Variants in EML6 observed in about 807,000 individuals in gnomAD.
EML6 encodes EMAP like 6.
A neutral mutation model predicts 240.1 loss-of-function variants in EML6; 154 were observed. The ratio of observed to expected loss-of-function variants is 0.64; its 90% CI spans 0.56 to 0.73. The LOEUF (loss-of-function observed/expected upper bound fraction) is 0.73. Among genes scored for constraint, EML6 ranks in the 30% least tolerant of loss-of-function variants. The pLI is 0.00. For synonymous variants in EML6, 1,148 were observed against 899.0 expected (o/e 1.28, Z -4.95); for missense variants, 2,964 against 2,474.6 (o/e 1.20, Z -4.20).
intron 2 of EML6, among the ~76,000 whole-genome samples, chr2:54,804,062 T>C (rs1248915359): frequency 6.6e-6 from 1 of 152,208 alleles, no homozygotes; most frequent in Non-Finnish European, 1.5e-5. Context: ...TAGTATAAAC[T>C]AGCAAATTAA....
At chr2:54,897,605 GA>G (rs751593732) in intron 21 of EML6, among the ~76,000 whole-genome samples, 3 of 152,092 alleles carry the variant, frequency 2.0e-5, no homozygotes, top group Non-Finnish European at 4.4e-5. Context: ...GAAAGCCCCT[GA>G]GCTATGGGGT....
rs552330696 is a variant in EML6 at position 54,969,276 on chromosome 2, G to A, written c.5852+508G>A. ...CCCATTTCTGATGAGCTTCATTGTA[G>A]CATGAATACTGGGTTCTATTCAGCC... On this transcript the variant is annotated intron_variant, in intron 41 of 41. Coordinates refer to ENST00000356458, the MANE Select transcript of EML6 (RefSeq NM_001039753.4). 1.4e-4 allele frequency among the ~76,000 whole-genome samples: 21 copies of A among 152,290 alleles called. 1 individual carries two copies. The South Asian group carries it at 4.4e-3, about 32-fold the overall frequency.
chr2:54,849,456 C>T (rs1298713470), intron 9 of EML6, among the ~76,000 whole-genome samples: 8 of 152,128 alleles, frequency 5.3e-5, no homozygotes, highest in Admixed American at 2.0e-4. Context: ...CTTTGGAAGC[C>T]CAAAATATCA....
At chr2:54,913,481 G>T (rs371492292) in intron 25 of EML6, among the ~76,000 whole-genome samples, 5 of 151,988 alleles carry the variant, frequency 3.3e-5, no homozygotes, top group Admixed American at 3.3e-4. Flanking sequence ...TCCAACTCCT[G>T]TTGCCCTCTT....
chr2:54,771,880 GA>G (rs1486154068), intron 2 of EML6, among the ~76,000 whole-genome samples: 1 of 152,208 alleles, frequency 6.6e-6, no homozygotes, highest in Non-Finnish European at 1.5e-5. Flanking sequence ...AAGCAAAGCT[GA>G]AAATTGAATT....
At chr2:54,847,744 A>C (rs1454713539) in intron 9 of EML6, 121 bp downstream of exon 9, 1 of 866,618 alleles carries the variant, frequency 1.2e-6, no homozygotes, top group Non-Finnish European at 1.6e-6. Flanking sequence ...AAATAGGAAT[A>C]CTATAGATCT....
At chr2:54,918,355 A>T in intron 26 of EML6, among the ~76,000 whole-genome samples, 1 of 150,872 alleles carries the variant, frequency 6.6e-6, no homozygotes, top group South Asian at 2.1e-4. Context: ...ATTTTAACTA[A>T]TGAATGAATG....
chr2:54,765,613 C>G (rs2103778784), intron 2 of EML6, among the ~76,000 whole-genome samples: 1 of 152,216 alleles, frequency 6.6e-6, no homozygotes, highest in South Asian at 2.1e-4. Flanking sequence ...GGCACCCGCC[C>G]TATGTCCGGC....
At chr2:54,817,023 T>C in intron 4 of EML6, 138 bp downstream of exon 4, 1 of 588,506 alleles carries the variant, frequency 1.7e-6, no homozygotes, top group South Asian at 2.3e-5. Context: ...ATCATCCTCT[T>C]TTTTCATGAT....
Position 54,833,515 on chromosome 2 carries a change from A to AC in EML6, c.847+4039dup, listed in dbSNP as rs1668981366. ...TTAGGACACTTGACTTACAGTAAAA[A>AC]CAATTAACCCCACTTTAGGTTAAGC... On this transcript the variant is annotated intron_variant, in intron 7 of 41. Transcript: ENST00000356458. Among the ~76,000 whole-genome samples, 5 of 152,248 alleles carry AC rather than the reference A, an allele frequency of 3.3e-5. No individual in the cohort carries two copies. The South Asian group carries it at 1.0e-3, about 32-fold the overall frequency.
In EML6 at chr2:54,962,572, A is replaced by G. The variant is rs1046114309; in HGVS notation, c.5018A>G (p.Glu1673Gly). ...GACGGAGAAATAATTGAAGTTGGTG[A>G]AAAAAATGCTGCTTCTAACATCCTG... ...TKDGEIIEVG[E>G]KNAASNILID... is the part of the protein sequence containing the mutation. The change falls in exon 36 of 42, where the codon GAA becomes GGA. Residue 1673 changes from glutamate (E) to glycine (G), a missense_variant. Glu to Gly is a moderately conservative substitution (Grantham distance 98, BLOSUM62 -2). Coordinates refer to ENST00000356458, the MANE Select transcript of EML6 (RefSeq NM_001039753.4). 1.9e-6 allele frequency: 3 copies of G among 1,548,598 alleles called. No individual in the cohort carries two copies. Among genetic ancestry groups the G allele is most frequent in the Non-Finnish European group, 2.6e-6 (3 of 1,145,502 alleles).
At chr2:54,895,808 C>A (rs1672732432) in intron 21 of EML6, among the ~76,000 whole-genome samples, 1 of 152,094 alleles carries the variant, frequency 6.6e-6, no homozygotes. Flanking sequence ...TGGCCAGAGG[C>A]CATTTTCAGC....
chr2:54,863,310 G>A (rs1373651823), intron 12 of EML6, among the ~76,000 whole-genome samples: 1 of 152,210 alleles, frequency 6.6e-6, no homozygotes, highest in African/African-American at 2.4e-5. Context: ...TAATAGAAAT[G>A]TGTAAATGAC....
At chr2:54,848,054 G>A (rs920688480) in intron 9 of EML6, among the ~76,000 whole-genome samples, 1 of 139,332 alleles carries the variant, frequency 7.2e-6, no homozygotes, top group Non-Finnish European at 1.6e-5. Context: ...ATAAAAGATT[G>A]TGGGCTTTGT....
rs1174088338 is a variant in EML6 at position 54,964,033 on chromosome 2, C to T, written c.5205C>T (p.Ala1735=). ...VSLGHAARCA[A]YSPDGEMVAI... is the part of the protein sequence containing the mutation. Reference sequence around the variant, plus strand: ...TGGGCCATGCGGCCAGGTGTGCAGCCTACAGCCCTGATGGGGAGATGGTGG... The same window carrying T: ...TGGGCCATGCGGCCAGGTGTGCAGCTTACAGCCCTGATGGGGAGATGGTGG... The change falls in exon 37 of 42, where the codon GCC becomes GCT. Residue 1735 remains alanine (A), a synonymous_variant. Coordinates refer to ENST00000356458, the MANE Select transcript of EML6 (RefSeq NM_001039753.4). 2 of 1,551,572 alleles carry T rather than the reference C, an allele frequency of 1.3e-6. No individual in the cohort carries two copies. Among genetic ancestry groups the T allele is most frequent in the Non-Finnish European group, 1.7e-6 (2 of 1,146,978 alleles).
chr2:54,936,179 C>T (rs1183054059), intron 28 of EML6, among the ~76,000 whole-genome samples: 6 of 152,210 alleles, frequency 3.9e-5, no homozygotes, highest in South Asian at 2.1e-4. Context: ...ATCAAATTAT[C>T]ATGTGGCTTC....
At chr2:54,826,029 C>G (rs1254713505) in intron 5 of EML6, among the ~76,000 whole-genome samples, 4 of 152,226 alleles carry the variant, frequency 2.6e-5, no homozygotes, top group Non-Finnish European at 5.9e-5. Context: ...TTTGAATTTC[C>G]TGCCACCCGG....
chr2:54,801,704 T>TC (rs1311804402), intron 2 of EML6, among the ~76,000 whole-genome samples: 3 of 152,194 alleles, frequency 2.0e-5, no homozygotes, highest in Non-Finnish European at 4.4e-5. Flanking sequence ...TTTAATGATT[T>TC]TCTTCTGAAC....
chr2:54,946,796 A>G lies in EML6; in HGVS notation c.4005-2086A>G, dbSNP rs555775466. ...CTTAAAATCCGCTGAATTTGCCACA[A>G]TGCAGGTTTCTTCCCCTTGCTCCTC... is the stretch of plus-strand genomic sequence containing the variant. On this transcript the variant is annotated intron_variant, in intron 28 of 41. Transcript: ENST00000356458. Among the ~76,000 whole-genome samples the G allele has an allele frequency of 2.6e-5, 4 of 152,276 alleles. No individual in the cohort carries two copies. In the South Asian group the frequency reaches 6.2e-4, roughly 24 times the overall value.
Sources: gnomAD v4.1 joint callset for allele counts (sites outside exome capture counted in the v4.1 genomes callset) on GRCh38, gnomAD v4.1.1 for gene constraint, MANE v1.5 for transcripts, NCBI Gene and HGNC (gene_info 2026-07-23, HGNC 2026-07-21) for gene names.